The following MLIP variants were observed in gnomAD, a reference collection of about 807,000 sequenced individuals.
The protein encoded by MLIP is muscular LMNA-interacting protein.
A neutral mutation model predicts 84.8 loss-of-function variants in MLIP; 79 were observed. That is an observed-to-expected ratio of 0.93 (90% confidence interval 0.78 to 1.12). The LOEUF (loss-of-function observed/expected upper bound fraction) is 1.12. Ranked by LOEUF, MLIP falls within the 50% of genes most tolerant of loss-of-function variation. The probability of loss-of-function intolerance (pLI) is 0.00; values close to 1 mark genes in which losing one functional copy is unlikely to be tolerated. For synonymous variants in MLIP, 504 were observed against 463.0 expected, an observed-to-expected ratio of 1.09 and a Z score of -1.14; for missense variants, 1,257 against 1,160.6, an observed-to-expected ratio of 1.08 and a Z score of -1.21.
intron 11 of MLIP, among the ~76,000 whole-genome samples, chr6:54,205,470 T>A (rs1266532608): frequency 2.0e-5 from 3 of 152,198 alleles, no homozygotes; most frequent in Non-Finnish European, 2.9e-5. Context: ...GATTGTTAAG[T>A]CAATAAATTT....
intron 1 of MLIP, among the ~76,000 whole-genome samples, chr6:54,030,896 T>C (rs902784088): frequency 6.6e-6 from 1 of 152,172 alleles, no homozygotes; most frequent in African/African-American, 2.4e-5. Context: ...TGCAATATTG[T>C]TTATAAAAGT....
intron 1 of MLIP, among the ~76,000 whole-genome samples, chr6:54,084,320 T>A (rs1767350562): frequency 6.6e-6 from 1 of 152,216 alleles, no homozygotes; most frequent in Non-Finnish European, 1.5e-5. Context: ...ACAGTAGTAA[T>A]TGAAGATAAC....
chr6:54,230,275 C>T (rs529916578), intron 11 of MLIP, among the ~76,000 whole-genome samples: 1 of 152,242 alleles, frequency 6.6e-6, no homozygotes, highest in African/African-American at 2.4e-5. Context: ...TTAATATTTT[C>T]CACAATGCCC....
intron 11 of MLIP, among the ~76,000 whole-genome samples, chr6:54,214,525 C>T (rs1779715266): frequency 6.6e-6 from 1 of 152,174 alleles, no homozygotes; most frequent in South Asian, 2.1e-4. Context: ...TTCCCTCCAT[C>T]CTGCTCTCAG....
chr6:54,249,098 A>G (rs1479795263), intron 12 of MLIP, among the ~76,000 whole-genome samples: 1 of 152,220 alleles, frequency 6.6e-6, no homozygotes, highest in East Asian at 1.9e-4. Flanking sequence ...GGCTCAGTGC[A>G]GGAGATGCCA....
At chr6:54,121,649 T>G (rs371899212) in intron 2 of MLIP, 47 bp downstream of exon 2, 2 of 1,404,452 alleles carry the variant, frequency 1.4e-6, no homozygotes, top group Non-Finnish European at 1.9e-6. Context: ...TTATATTAAA[T>G]TTTGATAATG....
intron 1 of MLIP, among the ~76,000 whole-genome samples, chr6:54,027,426 T>C (rs1763882490): frequency 6.7e-6 from 1 of 150,182 alleles, no homozygotes; most frequent in Non-Finnish European, 1.5e-5. Flanking sequence ...CACACATATA[T>C]ACATAAAATC....
chr6:54,200,653 A>G (rs1251956948), intron 10 of MLIP, among the ~76,000 whole-genome samples: 1 of 134,978 alleles, frequency 7.4e-6, no homozygotes, highest in Non-Finnish European at 1.5e-5. Context: ...TAATGGAGGA[A>G]TATTGTTCTC....
intron 12 of MLIP, among the ~76,000 whole-genome samples, chr6:54,233,624 T>C (rs1283612274): frequency 6.6e-6 from 1 of 152,232 alleles, no homozygotes; most frequent in Non-Finnish European, 1.5e-5. Flanking sequence ...TTGTGAATAG[T>C]GCTGCAATAA....
At chr6:54,123,473 G>A (rs1770644431) in intron 2 of MLIP, among the ~76,000 whole-genome samples, 1 of 152,138 alleles carries the variant, frequency 6.6e-6, no homozygotes, top group African/African-American at 2.4e-5. Flanking sequence ...GTTTTATCCT[G>A]ACTATATCCT....
chr6:54,060,446 T>A (rs908948718), intron 1 of MLIP, among the ~76,000 whole-genome samples: 1 of 152,110 alleles, frequency 6.6e-6, no homozygotes, highest in Non-Finnish European at 1.5e-5. Context: ...GGGGCTAGAG[T>A]CAGAGAAAAC....
rs1390004312 is a variant in MLIP, at chr6:54,040,149, CT to C, written c.63+21061del. Among the ~76,000 whole-genome samples the C allele has an allele frequency of 5.3e-5, 8 of 152,036 alleles. No homozygotes were observed. In the South Asian group the frequency reaches 1.5e-3, roughly 28 times the overall value. On this transcript the variant is annotated intron_variant, in intron 1 of 12. Transcript: ENST00000274897. ...TAATTCATTAATCTATTAAAATATC[CT>C]TTGAGCATCTACCATGTGTCAGATA...
intron 1 of MLIP, among the ~76,000 whole-genome samples, chr6:54,039,377 A>C (rs997110185): frequency 6.6e-6 from 1 of 151,938 alleles, no homozygotes; most frequent in Non-Finnish European, 1.5e-5. Context: ...GTTGGATTAA[A>C]ATGGGTGAAT....
chr6:54,217,514 C>G, intron 11 of MLIP: 1 of 985,236 alleles, frequency 1.0e-6, no homozygotes, highest in Non-Finnish European at 1.2e-6. Flanking sequence ...ATATTCACTG[C>G]ATATTTGTCT....
At chr6:54,029,364 G>A (rs1357021289) in intron 1 of MLIP, 1 of 152,252 alleles carries the variant, frequency 6.6e-6, no homozygotes, top group African/African-American at 2.4e-5. Context: ...TTGAGGGAAT[G>A]AGTTCATTCT....
At chr6:54,059,187 A>G (rs541544698) in intron 1 of MLIP, among the ~76,000 whole-genome samples, 1 of 152,242 alleles carries the variant, frequency 6.6e-6, no homozygotes, top group East Asian at 1.9e-4. Context: ...TCTTCCCCAT[A>G]TTCCTTTCAA....
chr6:54,063,735 T>C (rs1766109752), intron 1 of MLIP, among the ~76,000 whole-genome samples: 1 of 151,494 alleles, frequency 6.6e-6, no homozygotes, highest in African/African-American at 2.4e-5. Context: ...TGTGTGTGTG[T>C]GTGTGTGTGT....
chr6:54,149,041 G>A lies in MLIP; in HGVS notation c.2218-15G>A. Reference sequence around the variant, plus strand: ...ATTTTCATCTCTACTCTTGCTTTCTGGTTGCCCATTCTAGCAATACAAGAC... The same window carrying A: ...ATTTTCATCTCTACTCTTGCTTTCTAGTTGCCCATTCTAGCAATACAAGAC... On this transcript the variant is annotated splice_polypyrimidine_tract_variant and intron_variant, in intron 4 of 13. Transcript: ENST00000502396. 6.2e-7 allele frequency: 1 copy of A among 1,609,066 alleles called. No homozygotes were observed. The highest frequency in any genetic ancestry group is 8.5e-7 in the Non-Finnish European group (1 of 1,176,288).
intron 11 of MLIP, among the ~76,000 whole-genome samples, chr6:54,213,716 A>AC (rs1562065679): frequency 3.5e-5 from 4 of 115,610 alleles, no homozygotes; most frequent in Admixed American, 1.8e-4. Flanking sequence ...TCAAAAAAAA[A>AC]AAAAAAAAAA....
Sources: allele counts gnomAD v4.1 joint callset (sites outside exome capture counted in the v4.1 genomes callset), GRCh38; gene constraint gnomAD v4.1.1; transcripts MANE v1.5; gene names NCBI Gene and HGNC (gene_info 2026-07-23, HGNC 2026-07-21).